The following COPB1 variants were observed in gnomAD, a reference collection of about 807,000 sequenced individuals.
COPB1 encodes coat protein complex I subunit beta 1, also known as coatomer subunit beta.
A neutral mutation model predicts 108.7 loss-of-function variants in COPB1; 21 were observed. The ratio of observed to expected loss-of-function variants is 0.19; its 90% CI spans 0.14 to 0.28. COPB1 has a LOEUF of 0.28. COPB1 is among the 10% of genes least tolerant of loss of function. The probability of loss-of-function intolerance (pLI) is 1.00; values close to 1 mark genes in which losing one functional copy is unlikely to be tolerated. For missense variants in COPB1, 919 were observed against 1,141.3 expected (o/e 0.81, Z 2.81); for synonymous variants, 378 against 386.8 (o/e 0.98, Z 0.27).
At chr11:14,468,882 GTC>G in intron 15 of COPB1, 22 bp from the exon 16 acceptor site, 1 of 1,597,082 alleles carries the variant, frequency 6.3e-7, no homozygotes, top group Non-Finnish European at 8.6e-7. Flanking sequence ...ATATAACAAA[GTC>G]TCTCTTTAAT....
intron 18 of COPB1, among the ~76,000 whole-genome samples, chr11:14,462,287 C>T (rs1013032222): frequency 6.7e-6 from 1 of 148,802 alleles, no homozygotes; most frequent in African/African-American, 2.5e-5. Flanking sequence ...GGCTGGAGTG[C>T]AGTGGCACAA....
At chr11:14,487,191 A>G (rs1034476220) in intron 6 of COPB1, among the ~76,000 whole-genome samples, 1 of 152,024 alleles carries the variant, frequency 6.6e-6, no homozygotes, top group African/African-American at 2.4e-5. Context: ...AATATCCCTT[A>G]TTTTTTCTCT....
At position 14,471,493 on chromosome 11, in the gene COPB1, T is replaced by C. The variant is rs12224006; in HGVS notation, c.1738-1930A>G. Among the ~76,000 whole-genome samples the C allele has an allele frequency of 8.7e-4, 133 of 152,234 alleles. 2 individuals are homozygous for C. In the East Asian group the frequency reaches 0.025, roughly 28 times the overall value. On this transcript the variant is annotated intron_variant, in intron 14 of 21. Coordinates refer to ENST00000439561, the MANE Select transcript of COPB1 (RefSeq NM_001144061.2). ...AGATTATACTGTGACCAGACCTGAA[T>C]AAATAAATGCCCACAAAAGAGTTAC...
intron 14 of COPB1, among the ~76,000 whole-genome samples, chr11:14,472,993 G>A (rs1850440450): frequency 6.6e-6 from 1 of 151,442 alleles, no homozygotes; most frequent in African/African-American, 2.4e-5. Context: ...TTTTTTCCTC[G>A]AGACGGAGTC....
intron 7 of COPB1, 76 bp from the exon 8 acceptor site, chr11:14,483,227 A>AG: frequency 1.3e-6 from 1 of 756,098 alleles, no homozygotes; most frequent in African/African-American, 2.3e-5. Context: ...GCGCGCGCAC[A>AG]CCACACACAC....
At chr11:14,471,519 A>C (rs567465607) in intron 14 of COPB1, among the ~76,000 whole-genome samples, 41 of 152,362 alleles carry the variant, frequency 2.7e-4, no homozygotes, top group African/African-American at 9.4e-4. Flanking sequence ...AAAGAGTTAC[A>C]AAATAAATTA....
intron 14 of COPB1, among the ~76,000 whole-genome samples, chr11:14,470,225 C>G (rs970159514): frequency 2.0e-5 from 3 of 152,186 alleles, no homozygotes; most frequent in East Asian, 3.8e-4. Context: ...TTTAATCGCA[C>G]TAACTTTTTT....
intron 19 of COPB1, among the ~76,000 whole-genome samples, chr11:14,460,713 A>G (rs1442259405): frequency 2.6e-5 from 4 of 152,118 alleles, no homozygotes; most frequent in Admixed American, 6.5e-5. Flanking sequence ...CATTTTGCTC[A>G]GGCTGGTCTA....
chr11:14,460,107 C>T (rs1480090604), intron 20 of COPB1, 101 bp downstream of exon 20: 4 of 697,128 alleles, frequency 5.7e-6, no homozygotes, highest in Non-Finnish European at 1.0e-5. Flanking sequence ...TAGAATGGTA[C>T]TGCATATTGA....
chr11:14,490,538 A>G, intron 5 of COPB1, 27 bp downstream of exon 5: 1 of 1,255,024 alleles, frequency 8.0e-7, no homozygotes, highest in Non-Finnish European at 1.2e-6. Flanking sequence ...ATACAGTAAT[A>G]AGAGTATTTT....
chr11:14,469,493 T>C lies in COPB1; in HGVS notation c.1808A>G (p.Lys603Arg). ...ATCCACATCATCATCAGTAATTGGC[T>C]TCTTAGGAAGAGAGGATTTTCCCAA... ...LHLGKSSLPKKPITDDDVDRI... is the reference protein window; with the variant it reads ...LHLGKSSLPKRPITDDDVDRI... Residue 603 changes from lysine to arginine, a missense_variant, in exon 15 of 22, where the codon AAG becomes AGG. Around this residue, in one of 5 missense-constraint regions of COPB1, gnomAD observed 705 missense variants for 817.8 expected, o/e 0.86. Coordinates refer to ENST00000439561, the MANE Select transcript of COPB1 (RefSeq NM_001144061.2). 6.2e-7 allele frequency: 1 copy of C among 1,614,232 alleles called. No homozygotes were observed. Among genetic ancestry groups the C allele is most frequent in the Non-Finnish European group, 8.5e-7 (1 of 1,180,040 alleles).
At chr11:14,459,109 G>T (rs1247881028) in intron 20 of COPB1, among the ~76,000 whole-genome samples, 1 of 152,100 alleles carries the variant, frequency 6.6e-6, no homozygotes, top group African/African-American at 2.4e-5. Context: ...TACATACAGG[G>T]TGGTGGTTAC....
intron 8 of COPB1, 113 bp downstream of exon 8, chr11:14,482,919 A>G: frequency 1.1e-6 from 1 of 951,276 alleles, no homozygotes; most frequent in Non-Finnish European, 1.5e-6. Flanking sequence ...TGATCAAAAT[A>G]TAAACTGCTC....
At chr11:14,463,170 C>A (rs1203906903) in intron 18 of COPB1, among the ~76,000 whole-genome samples, 2 of 152,188 alleles carry the variant, frequency 1.3e-5, no homozygotes, top group African/African-American at 2.4e-5. Context: ...CCCTTGTAGG[C>A]TCTTTCTCCT....
intron 20 of COPB1, among the ~76,000 whole-genome samples, chr11:14,459,807 G>A (rs1850105854): frequency 6.6e-6 from 1 of 151,960 alleles, no homozygotes; most frequent in Non-Finnish European, 1.5e-5. Context: ...AGTAGAGATG[G>A]GGTTTCGCCA....
intron 18 of COPB1, among the ~76,000 whole-genome samples, chr11:14,463,354 G>C (rs559989729): frequency 6.1e-4 from 93 of 152,296 alleles, no homozygotes; most frequent in African/African-American, 2.2e-3. Flanking sequence ...GTCTCACTCT[G>C]TTGTCTAGGC....
intron 3 of COPB1, 69 bp from the exon 4 acceptor site, chr11:14,493,880 A>C (rs1850961806): frequency 1.6e-6 from 2 of 1,289,956 alleles, no homozygotes; most frequent in East Asian, 5.1e-5. Flanking sequence ...TTAATGCAAA[A>C]CTTTCCAATG....
At chr11:14,465,753 C>A (rs879476591) in intron 17 of COPB1, among the ~76,000 whole-genome samples, 1 of 152,152 alleles carries the variant, frequency 6.6e-6, no homozygotes, top group Non-Finnish European at 1.5e-5. Context: ...CATATGAAAT[C>A]TGATGGGGGT....
Position 14,458,581 on chromosome 11 carries a change from C to T in COPB1, c.2753G>A (p.Gly918Glu). 1 of 1,613,606 alleles carries T rather than the reference C, an allele frequency of 6.2e-7. No individual in the cohort carries two copies. Among genetic ancestry groups the T allele is most frequent in the East Asian group, 2.2e-5 (1 of 44,858 alleles). ...NVSIEKPIHQ[G>E]PDAAVTGHIR... is the part of the protein sequence containing the mutation. ...ATGGCCGGTAACAGCAGCATCTGGTCCCTGGTGAATTGGCTTCTCAATGCT... is the reference window on the plus strand; with the variant it reads ...ATGGCCGGTAACAGCAGCATCTGGTTCCTGGTGAATTGGCTTCTCAATGCT... The change falls in exon 21 of 22, where the codon GGA becomes GAA. Residue 918 changes from glycine (G) to glutamate (E), a missense_variant. Physicochemically the swap from Gly to Glu is moderately conservative, Grantham distance 98. Coordinates refer to ENST00000439561, the MANE Select transcript of COPB1 (RefSeq NM_001144061.2).
Sources: allele counts gnomAD v4.1 joint callset (sites outside exome capture counted in the v4.1 genomes callset), GRCh38; gene constraint gnomAD v4.1.1; regional missense constraint gnomAD v4.1.1; transcripts MANE v1.5; gene names NCBI Gene and HGNC (gene_info 2026-07-23, HGNC 2026-07-21).